USP9Y: variants seen among roughly 807,000 people sequenced by gnomAD.
USP9Y encodes the protein ubiquitin carboxyl-terminal hydrolase 9Y.
USP9Y carries 41 observed loss-of-function variants against 53.1 expected under a neutral mutation model. That is an observed-to-expected ratio of 0.77 (90% CI 0.60 to 1.00). The LOEUF is 1.00. Among genes scored for constraint, USP9Y ranks in the 50% least tolerant of loss-of-function variants. The probability of loss-of-function intolerance (pLI) is 0.00; values close to 1 mark genes in which losing one functional copy is unlikely to be tolerated. For synonymous variants in USP9Y, 220 were observed against 173.7 expected, an observed-to-expected ratio of 1.27 and a Z score of -2.09; for missense variants, 567 against 535.8, an observed-to-expected ratio of 1.06 and a Z score of -0.58.
intron 45 of USP9Y, among the ~76,000 whole-genome samples, chrY:12,858,240 A>G (rs775597585): frequency 3.0e-5 from 1 of 33,706 alleles, no homozygotes; most frequent in Non-Finnish European, 7.3e-5. Context: ...TTTAATGTAC[A>G]TCATAATCAT....
chrY:12,798,414 G>A (rs2053515701), intron 27 of USP9Y, among the ~76,000 whole-genome samples: 1 of 33,625 alleles, frequency 3.0e-5, no homozygotes, highest in Non-Finnish European at 7.4e-5. Context: ...CAAGTTTCAG[G>A]TTAGAGAACA....
chrY:12,726,187 G>T (rs567164960), intron 6 of USP9Y, among the ~76,000 whole-genome samples: 9 of 33,360 alleles, frequency 2.7e-4, no homozygotes, highest in African/African-American at 5.8e-4. Flanking sequence ...TTTTTTGTAG[G>T]GGTGGAAATT....
intron 33 of USP9Y, among the ~76,000 whole-genome samples, chrY:12,822,226 G>A (rs2053542203): frequency 3.0e-5 from 1 of 33,202 alleles, no homozygotes; most frequent in Non-Finnish European, 7.4e-5. Context: ...GCCTTTTGTT[G>A]TTGCATTGTA....
At chrY:12,814,463 G>A (rs2053534475) in intron 31 of USP9Y, among the ~76,000 whole-genome samples, 1 of 20,942 alleles carries the variant, frequency 4.8e-5, no homozygotes, top group Non-Finnish European at 1.0e-4. Flanking sequence ...GGGAGGCGGA[G>A]CTTGCAGTGA....
intron 3 of USP9Y, among the ~76,000 whole-genome samples, chrY:12,714,360 G>T (rs2053428719): frequency 3.2e-5 from 1 of 31,438 alleles, no homozygotes; most frequent in South Asian, 7.2e-4. Flanking sequence ...CTCTCTCTTT[G>T]CTTACATTAA....
In USP9Y at chrY:12,738,187, A is replaced by G; in HGVS notation, c.1195A>G (p.Ile399Val). 2 of 393,067 alleles carry G rather than the reference A, an allele frequency of 5.1e-6. No homozygotes were observed. The highest frequency in any genetic ancestry group is 1.3e-4 in the African/African-American group (2 of 15,681). Residue 399 changes from isoleucine to valine, a missense_variant, in exon 11 of 46, where the codon ATA becomes GTA. Ile to Val is a conservative substitution (Grantham distance 29, BLOSUM62 3). Transcript: ENST00000338981. ...EWIQQNNILSIVLQDSLHQPQ... is the reference protein window; with the variant it reads ...EWIQQNNILSVVLQDSLHQPQ... ...GATACAGCAAAATAATATCTTATCC[A>G]TAGTCTTGCAAGACAGTCTTCATCA...
chrY:12,807,671 G>GT (rs2053526082), intron 27 of USP9Y, among the ~76,000 whole-genome samples: 16 of 31,191 alleles, frequency 5.1e-4, no homozygotes, highest in African/African-American at 1.5e-3. Context: ...CAAAACTTTG[G>GT]TTTTTTTATA....
chrY:12,771,242 G>A, intron 16 of USP9Y, 87 bp downstream of exon 16: 1 of 209,488 alleles, frequency 4.8e-6, no homozygotes, highest in Admixed American at 9.0e-5. Flanking sequence ...TTTTCTTTTT[G>A]AGACAGGATC....
At chrY:12,711,847 G>A (rs979974919) in intron 3 of USP9Y, among the ~76,000 whole-genome samples, 45 of 32,533 alleles carry the variant, frequency 1.4e-3, no homozygotes, top group African/African-American at 5.4e-3. Context: ...GGCTGTTCTC[G>A]AACTCCTGAC....
At position 12,856,322 on chromosome Y, in the gene USP9Y, C is replaced by T. The variant is rs1390858290; in HGVS notation, c.7065-18C>T. 5.1e-6 allele frequency: 2 copies of T among 393,180 alleles called. No homozygotes were observed. The highest frequency in any genetic ancestry group is 1.5e-4 in the Admixed American group (2 of 13,339). ...TACTATTGGATATTACAAAGTTTTA[C>T]ATCTGCTTCTGTTTTAGAATTCATA... is the stretch of plus-strand genomic sequence containing the variant. On this transcript the variant is annotated intron_variant, in intron 42 of 45. Transcript: ENST00000338981.
At chrY:12,720,781 A>G in intron 4 of USP9Y, 44 bp downstream of exon 4, 1 of 378,565 alleles carries the variant, frequency 2.6e-6, no homozygotes, top group Non-Finnish European at 3.8e-6. Flanking sequence ...GCAGTAAACT[A>G]GAAAAGCAAA....
Position 12,856,704 on chromosome Y carries a change from A to G in USP9Y, c.7293A>G (p.Pro2431=). ...EWLGDELERR[P]YTGNPQYSYN... is the part of the protein sequence containing the mutation. ...TAGGAGATGAACTTGAAAGAAGACC[A>G]TATACTGGCAATCCTCAGTATAGTT... The change falls in exon 44 of 46, where the codon CCA becomes CCG. Residue 2431 remains proline, a synonymous_variant. Coordinates refer to ENST00000338981, the MANE Select transcript of USP9Y (RefSeq NM_004654.4). 2.5e-6 allele frequency: 1 copy of G among 397,848 alleles called. No homozygotes were observed. The highest frequency in any genetic ancestry group is 3.5e-6 in the Non-Finnish European group (1 of 282,788).
chrY:12,734,718 T>A, intron 7 of USP9Y, among the ~76,000 whole-genome samples: 1 of 33,573 alleles, frequency 3.0e-5, no homozygotes, highest in South Asian at 6.5e-4. Flanking sequence ...TTATTTCACA[T>A]TTTCCACATG....
At chrY:12,744,153 C>T (rs958168177) in intron 12 of USP9Y, among the ~76,000 whole-genome samples, 49 of 32,539 alleles carry the variant, frequency 1.5e-3, no homozygotes, top group African/African-American at 5.8e-3. Flanking sequence ...GAGAGGAGTC[C>T]GAGTGGATTG....
At chrY:12,725,798 C>T in intron 6 of USP9Y, among the ~76,000 whole-genome samples, 1 of 32,790 alleles carries the variant, frequency 3.0e-5, no homozygotes, top group Non-Finnish European at 7.5e-5. Context: ...AGTTTTGATG[C>T]CAAAAAAGTC....
At chrY:12,834,557 G>A (rs2053553625) in intron 34 of USP9Y, among the ~76,000 whole-genome samples, 1 of 33,209 alleles carries the variant, frequency 3.0e-5, no homozygotes, top group Non-Finnish European at 7.4e-5. Context: ...CTGTCTCTGT[G>A]CCTGTTATCT....
chrY:12,775,510 A>G lies in USP9Y; in HGVS notation c.2371A>G (p.Ile791Val), dbSNP rs1176577441. 6.4e-5 allele frequency: 25 copies of G among 393,600 alleles called. No homozygotes were observed. The highest frequency in any genetic ancestry group is 8.9e-5 in the Non-Finnish European group (25 of 281,323). The change falls in exon 18 of 46, where the codon ATA (isoleucine) becomes GTA (valine). Residue 791 changes from isoleucine to valine, a missense_variant. Transcript: ENST00000338981. ...TAGTGACGAGATTGCTAACAGAGCTATAGATCTTCTTAAAGAGATATACAC... is the reference window on the plus strand; with the variant it reads ...TAGTGACGAGATTGCTAACAGAGCTGTAGATCTTCTTAAAGAGATATACAC... ...QSSDEIANRA[I>V]DLLKEIYTNL...
At chrY:12,841,946 C>A in intron 37 of USP9Y, among the ~76,000 whole-genome samples, 1 of 33,274 alleles carries the variant, frequency 3.0e-5, no homozygotes, top group South Asian at 6.6e-4. Flanking sequence ...GATTTAACAA[C>A]TCTTAGCATT....
At position 12,846,935 on chromosome Y, in the gene USP9Y, A is replaced by G; in HGVS notation, c.6757A>G (p.Asn2253Asp). ...CATTGATAACAAATCTGTTCTAGGT[A>G]ATCCCCCTCTCCCCAATCCTTTCGG... ...SSTMQSSING[N>D]PPLPNPFGDL... The change falls in exon 41 of 46, where the codon AAT becomes GAT. Residue 2253 changes from asparagine (N) to aspartate (D), a missense_variant and splice_region_variant. By Grantham distance (23) the Asn-to-Asp change is conservative. Transcript: ENST00000338981. 1 of 389,239 alleles carries G rather than the reference A, an allele frequency of 2.6e-6. No homozygotes were observed. Among genetic ancestry groups the G allele is most frequent in the Non-Finnish European group, 3.6e-6 (1 of 274,722 alleles).
Sources: gnomAD v4.1 joint callset for allele counts (sites outside exome capture counted in the v4.1 genomes callset) on GRCh38, gnomAD v4.1.1 for gene constraint, MANE v1.5 for transcripts, NCBI Gene and HGNC (gene_info 2026-07-23, HGNC 2026-07-21) for gene names.